CCDC85A: variants seen among roughly 807,000 people sequenced by gnomAD.
CCDC85A encodes coiled-coil domain containing 85A.
CCDC85A carries 38 observed loss-of-function variants against 50.2 expected under a neutral mutation model. The ratio of observed to expected loss-of-function variants is 0.76; its 90% CI spans 0.58 to 0.99. The LOEUF is 0.99. CCDC85A is among the 50% of genes least tolerant of loss of function. The pLI is 0.00. For synonymous variants in CCDC85A, 366 were observed against 301.4 expected (o/e 1.21, Z -2.22); for missense variants, 820 against 742.0 (o/e 1.11, Z -1.22).
chr2:56,266,590 C>G (rs1670458280), intron 2 of CCDC85A, among the ~76,000 whole-genome samples: 1 of 131,842 alleles, frequency 7.6e-6, no homozygotes, highest in African/African-American at 2.8e-5. Context: ...CCCCCCCCCC[C>G]ATAATCTTCT....
intron 2 of CCDC85A, among the ~76,000 whole-genome samples, chr2:56,206,102 A>G (rs1337662651): frequency 6.6e-6 from 1 of 152,128 alleles, no homozygotes; most frequent in Non-Finnish European, 1.5e-5. Context: ...ATGCTTAGGT[A>G]TTTGTTAGGT....
At position 56,372,488 on chromosome 2, in the gene CCDC85A, G is replaced by A. The variant is rs376024357; in HGVS notation, c.1452+10G>A. On this transcript the variant is annotated intron_variant, in intron 4 of 5. Coordinates refer to ENST00000407595, the MANE Select transcript of CCDC85A (RefSeq NM_001080433.2). ...CCTGCCTACTCTCCCGGTGAGTGAA[G>A]ATGAGTCAGCTGGATGCATTTGCTT... is the stretch of plus-strand genomic sequence containing the variant. 1 of 1,583,388 alleles carries A rather than the reference G, an allele frequency of 6.3e-7. No homozygotes were observed. The highest frequency in any genetic ancestry group is 2.3e-5 in the East Asian group (1 of 43,336).
intron 5 of CCDC85A, chr2:56,383,811 T>A (rs1676703392): frequency 1.1e-6 from 1 of 905,108 alleles, no homozygotes; most frequent in Non-Finnish European, 1.3e-6. Context: ...ATGTATAATA[T>A]AGGAACCAGG....
chr2:56,342,921 G>A lies in CCDC85A; in HGVS notation c.1283G>A (p.Arg428Lys). 6.3e-7 allele frequency: 1 copy of A among 1,598,224 alleles called. No individual in the cohort carries two copies. Among genetic ancestry groups the A allele is most frequent in the Non-Finnish European group, 8.5e-7 (1 of 1,171,556 alleles). The change falls in exon 3 of 6, where the codon AGA becomes AAA. Residue 428 changes from arginine to lysine, a missense_variant. Coordinates refer to ENST00000407595, the MANE Select transcript of CCDC85A (RefSeq NM_001080433.2). ...SYVRQLEARV[R>K]QLEEENRMLP... is the part of the protein sequence containing the mutation. ...GTTAGGCAGCTGGAGGCAAGAGTAA[G>A]ACAGCTGGAGGAAGAAAATCGCATG...
At chr2:56,314,486 T>C (rs1672832153) in intron 2 of CCDC85A, among the ~76,000 whole-genome samples, 1 of 152,130 alleles carries the variant, frequency 6.6e-6, no homozygotes, top group Non-Finnish European at 1.5e-5. Flanking sequence ...TGTGTTAAAA[T>C]AGTTTTGGAA....
intron 3 of CCDC85A, among the ~76,000 whole-genome samples, chr2:56,349,565 A>C (rs1310426394): frequency 6.6e-6 from 1 of 152,194 alleles, no homozygotes; most frequent in Non-Finnish European, 1.5e-5. Flanking sequence ...GGGGATTCAT[A>C]ACATTCTTCA....
chr2:56,198,386 C>A (rs1175012817), intron 2 of CCDC85A, among the ~76,000 whole-genome samples: 2 of 152,186 alleles, frequency 1.3e-5, no homozygotes, highest in African/African-American at 4.8e-5. Context: ...GTGTGTATTT[C>A]TGTTGTGTGA....
At chr2:56,260,527 A>T (rs560937219) in intron 2 of CCDC85A, among the ~76,000 whole-genome samples, 1 of 152,152 alleles carries the variant, frequency 6.6e-6, no homozygotes, top group African/African-American at 2.4e-5. Context: ...CTCTAATGTC[A>T]TGGTAGCTTT....
At chr2:56,231,209 A>G (rs911886301) in intron 2 of CCDC85A, among the ~76,000 whole-genome samples, 6 of 152,224 alleles carry the variant, frequency 3.9e-5, no homozygotes, top group African/African-American at 1.4e-4. Flanking sequence ...ATAAAATCAT[A>G]TTAATTGCTT....
intron 2 of CCDC85A, among the ~76,000 whole-genome samples, chr2:56,312,985 A>G (rs1253146378): frequency 1.3e-5 from 2 of 152,182 alleles, no homozygotes; most frequent in African/African-American, 2.4e-5. Flanking sequence ...ATGCTTCTAT[A>G]TGCATTGTCT....
chr2:56,246,576 C>CT (rs1199174916), intron 2 of CCDC85A, among the ~76,000 whole-genome samples: 1 of 152,198 alleles, frequency 6.6e-6, no homozygotes, highest in East Asian at 1.9e-4. Flanking sequence ...CAACTTGATT[C>CT]TTTTTTTGTG....
At chr2:56,346,820 G>T (rs1674654457) in intron 3 of CCDC85A, among the ~76,000 whole-genome samples, 3 of 152,262 alleles carry the variant, frequency 2.0e-5, no homozygotes, top group South Asian at 4.1e-4. Context: ...CTTTTTCAAA[G>T]AATTGCATAT....
At position 56,375,936 on chromosome 2, in the gene CCDC85A, G is replaced by A; in HGVS notation, c.1572+1G>A. The stretch of plus-strand genomic sequence containing the variant: ...TGAACCTGTGGTACATTCTCTTAAG[G>A]TAACCAATCGTGTGCAACCATTTAT... On this transcript the variant is annotated splice_donor_variant, in intron 5 of 5. Transcript: ENST00000407595. LOFTEE classifies it high-confidence loss of function. The A allele has an allele frequency of 6.2e-7, 1 of 1,612,186 alleles. No individual in the cohort carries two copies. Among genetic ancestry groups the A allele is most frequent in the East Asian group, 2.2e-5 (1 of 44,818 alleles).
intron 2 of CCDC85A, among the ~76,000 whole-genome samples, chr2:56,300,280 A>G (rs180893191): frequency 1.3e-5 from 2 of 152,358 alleles, no homozygotes; most frequent in Admixed American, 1.3e-4. Context: ...AATACCATGT[A>G]TCATGCAAAG....
intron 2 of CCDC85A, among the ~76,000 whole-genome samples, chr2:56,241,265 A>T (rs928832924): frequency 7.9e-5 from 12 of 152,150 alleles, no homozygotes; most frequent in Non-Finnish European, 1.3e-4. Flanking sequence ...TAATCACATG[A>T]TCACATCAGG....
chr2:56,286,104 C>G (rs1671432799), intron 2 of CCDC85A, among the ~76,000 whole-genome samples: 1 of 150,736 alleles, frequency 6.6e-6, no homozygotes, highest in Non-Finnish European at 1.5e-5. Flanking sequence ...AATTATTTCT[C>G]TGTCATTAAT....
rs1573387373 is a variant in CCDC85A at position 56,385,659 on chromosome 2, A to G, written c.*1304A>G. On this transcript the variant is annotated 3_prime_UTR_variant, in exon 6 of 6. Coordinates refer to ENST00000407595, the MANE Select transcript of CCDC85A (RefSeq NM_001080433.2). The stretch of plus-strand genomic sequence containing the variant: ...ATTTCTGAGATTTGATTCATGGCAG[A>G]TATTCTCTGTTGTTGTTGTTTTAGA... 1 of 152,220 alleles carries G rather than the reference A, an allele frequency of 6.6e-6. No homozygotes were observed. The highest frequency in any genetic ancestry group is 1.9e-4 in the East Asian group (1 of 5,152). 9.4% of individuals were successfully genotyped at this position (152,220 alleles called of 1,614,324 possible). A position where few individuals can be genotyped will look rare whatever the true frequency, so the allele number is the denominator to read the frequency against.
chr2:56,254,390 A>G (rs929640693), intron 2 of CCDC85A, among the ~76,000 whole-genome samples: 3 of 152,132 alleles, frequency 2.0e-5, no homozygotes, highest in Admixed American at 1.3e-4. Context: ...CCCCATCCTG[A>G]AACAATTAAA....
chr2:56,246,609 A>G (rs1009467144), intron 2 of CCDC85A, among the ~76,000 whole-genome samples: 1 of 152,200 alleles, frequency 6.6e-6, no homozygotes, highest in Non-Finnish European at 1.5e-5. Flanking sequence ...TTCTGGCACC[A>G]TTTGTTGAAA....
Sources: allele counts gnomAD v4.1 joint callset (sites outside exome capture counted in the v4.1 genomes callset), GRCh38; gene constraint gnomAD v4.1.1; transcripts MANE v1.5; gene names NCBI Gene and HGNC (gene_info 2026-07-23, HGNC 2026-07-21).